XKR9: variants seen among roughly 807,000 people sequenced by gnomAD.
XKR9 encodes the protein XK related 9, also known as XK-related protein 9.
In XKR9, 32 loss-of-function variants were observed where a neutral mutation model predicts 32.0. The observed-to-expected ratio is 1.00, with a 90% CI of 0.76 to 1.34. The LOEUF is 1.34. Ranked by LOEUF, XKR9 falls within the 40% of genes most tolerant of loss-of-function variation. XKR9 has a pLI of 0.00. For missense variants in XKR9, 546 were observed against 429.7 expected, an observed-to-expected ratio of 1.27 and a Z score of -2.39; for synonymous variants, 168 against 143.4, an observed-to-expected ratio of 1.17 and a Z score of -1.22.
chr8:70,692,849 G>A (rs1376574888), intron 3 of XKR9, among the ~76,000 whole-genome samples: 2 of 152,062 alleles, frequency 1.3e-5, no homozygotes, highest in East Asian at 1.9e-4. Context: ...CAAAGTGCTC[G>A]GATTACAAGT....
At chr8:70,748,472 A>T (rs1288491136) in intron 2 of XKR9, among the ~76,000 whole-genome samples, 1 of 151,832 alleles carries the variant, frequency 6.6e-6, no homozygotes, top group African/African-American at 2.4e-5. Flanking sequence ...GTGTGTGTGC[A>T]TTCAGAGAGG....
chr8:70,691,401 A>C (rs575053878), intron 3 of XKR9, among the ~76,000 whole-genome samples: 2 of 152,322 alleles, frequency 1.3e-5, no homozygotes, highest in East Asian at 3.9e-4. Flanking sequence ...GCTGTACAGA[A>C]GCTTTTAAGT....
chr8:70,710,947 C>A (rs550013960), intron 4 of XKR9, among the ~76,000 whole-genome samples: 2 of 152,126 alleles, frequency 1.3e-5, no homozygotes, highest in South Asian at 2.1e-4. Context: ...GAACAAACAA[C>A]CCCGTTAAAA....
exon 4 of XKR9, chr8:70,790,148 T>C (rs1807747027): frequency 6.6e-6 from 1 of 151,820 alleles, no homozygotes; most frequent in Non-Finnish European, 1.5e-5. Flanking sequence ...CTGTTTCTTA[T>C]AGCAAGATCT....
At chr8:71,020,214 G>T in the XKR9 span, among the ~76,000 whole-genome samples, 1 of 152,186 alleles carries the variant, frequency 6.6e-6, no homozygotes. Flanking sequence ...TCTACGAGGT[G>T]CTGCCTGCCT....
chr8:70,809,182 C>G, the XKR9 span, among the ~76,000 whole-genome samples: 4 of 152,214 alleles, frequency 2.6e-5, no homozygotes, highest in African/African-American at 9.6e-5. Flanking sequence ...CCCAGGCAAA[C>G]AGGATCTGGA....
At chr8:70,755,476 A>G (rs541282153) in intron 2 of XKR9, among the ~76,000 whole-genome samples, 134 of 152,182 alleles carry the variant, frequency 8.8e-4, no homozygotes, top group Non-Finnish European at 1.7e-3. Context: ...TTATTGTGGC[A>G]TTATTCACAA....
At chr8:70,857,451 A>G in the XKR9 span, among the ~76,000 whole-genome samples, 1 of 152,212 alleles carries the variant, frequency 6.6e-6, no homozygotes, top group Non-Finnish European at 1.5e-5. Flanking sequence ...ATAGACCAAT[A>G]GGAGGCTCTG....
At chr8:70,760,275 AT>A (rs1276364353) in intron 2 of XKR9, among the ~76,000 whole-genome samples, 1 of 152,212 alleles carries the variant, frequency 6.6e-6, no homozygotes, top group East Asian at 1.9e-4. Flanking sequence ...TGATAAGGGA[AT>A]TGTAGTCCAT....
the XKR9 span, among the ~76,000 whole-genome samples, chr8:70,904,159 A>G: frequency 2.0e-5 from 3 of 152,180 alleles, no homozygotes; most frequent in Admixed American, 1.3e-4. Flanking sequence ...GCTGAGTTCA[A>G]TTCCTGGATA....
At chr8:70,829,756 T>C in the XKR9 span, among the ~76,000 whole-genome samples, 1 of 152,106 alleles carries the variant, frequency 6.6e-6, no homozygotes, top group Non-Finnish European at 1.5e-5. Flanking sequence ...CCTGAACTGG[T>C]TTTCTAAAAA....
chr8:70,893,458 C>G, the XKR9 span, among the ~76,000 whole-genome samples: 1 of 152,156 alleles, frequency 6.6e-6, no homozygotes, highest in Non-Finnish European at 1.5e-5. Context: ...TCTGGTGGAA[C>G]AATCATCTCT....
At chr8:70,697,857 T>A in intron 3 of XKR9, among the ~76,000 whole-genome samples, 1 of 152,082 alleles carries the variant, frequency 6.6e-6, no homozygotes, top group Non-Finnish European at 1.5e-5. Flanking sequence ...TGCCACAATT[T>A]CAGCTCCTGT....
At chr8:70,724,721 T>C (rs1166016483) in intron 4 of XKR9, among the ~76,000 whole-genome samples, 1 of 152,100 alleles carries the variant, frequency 6.6e-6, no homozygotes, top group Non-Finnish European at 1.5e-5. Flanking sequence ...GTCTAACCAG[T>C]CCCAATGAGA....
At chr8:70,941,823 T>C in the XKR9 span, among the ~76,000 whole-genome samples, 1 of 152,158 alleles carries the variant, frequency 6.6e-6, no homozygotes, top group Non-Finnish European at 1.5e-5. Context: ...AAAATCAGCC[T>C]AAGAGTCTAC....
At chr8:70,692,852 T>C (rs1417078166) in intron 3 of XKR9, among the ~76,000 whole-genome samples, 1 of 152,168 alleles carries the variant, frequency 6.6e-6, no homozygotes, top group Non-Finnish European at 1.5e-5. Context: ...AGTGCTCGGA[T>C]TACAAGTGTG....
chr8:70,731,802 T>G (rs570178430), intron 4 of XKR9, among the ~76,000 whole-genome samples: 44 of 152,168 alleles, frequency 2.9e-4, no homozygotes, highest in Non-Finnish European at 5.9e-4. Context: ...AGGAAAGTTC[T>G]CTGAGTTAGG....
At chr8:71,053,064 T>G in the XKR9 span, among the ~76,000 whole-genome samples, 1 of 152,366 alleles carries the variant, frequency 6.6e-6, no homozygotes, top group Admixed American at 6.5e-5. Context: ...AGGTAAGAGC[T>G]AGGAAATTGT....
At chr8:70,857,595 A>C in the XKR9 span, among the ~76,000 whole-genome samples, 1 of 152,178 alleles carries the variant, frequency 6.6e-6, no homozygotes, top group Non-Finnish European at 1.5e-5. Flanking sequence ...AAAAGAGGGA[A>C]TCCTCCCTAA....
Sources: gnomAD v4.1 joint callset for allele counts (sites outside exome capture counted in the v4.1 genomes callset) on GRCh38, gnomAD v4.1.1 for gene constraint, MANE v1.5 for transcripts, NCBI Gene and HGNC (gene_info 2026-07-23, HGNC 2026-07-21) for gene names.